GPM6A: variants seen among roughly 807,000 people sequenced by gnomAD.
The protein encoded by GPM6A is glycoprotein M6A, also known as neuronal membrane glycoprotein M6-a.
Under a neutral mutation model 32.1 loss-of-function variants are expected in GPM6A, and 7 were observed. The ratio of observed to expected loss-of-function variants is 0.22; its 90% CI spans 0.12 to 0.41. The LOEUF (loss-of-function observed/expected upper bound fraction) is 0.41. GPM6A is among the 10% of genes least tolerant of loss of function. GPM6A has a pLI of 1.00. For missense variants in GPM6A, 235 were observed against 347.2 expected, an observed-to-expected ratio of 0.68 and a Z score of 2.57; for synonymous variants, 130 against 123.4, an observed-to-expected ratio of 1.05 and a Z score of -0.35.
At chr4:175,864,961 C>A (rs1395912634) in intron 1 of GPM6A, among the ~76,000 whole-genome samples, 1 of 151,884 alleles carries the variant, frequency 6.6e-6, no homozygotes, top group Non-Finnish European at 1.5e-5. Context: ...ACAGGCACAC[C>A]ACTACCACCG....
At chr4:175,648,234 T>C (rs1399367718) in intron 4 of GPM6A, among the ~76,000 whole-genome samples, 1 of 152,120 alleles carries the variant, frequency 6.6e-6, no homozygotes, top group African/African-American at 2.4e-5. Flanking sequence ...GTTGAATGTA[T>C]TTCACACAAA....
intron 1 of GPM6A, among the ~76,000 whole-genome samples, chr4:175,924,012 C>T (rs1738753595): frequency 6.6e-6 from 1 of 152,094 alleles, no homozygotes; most frequent in African/African-American, 2.4e-5. Context: ...AGTATTTGTC[C>T]TAGGTATTTC....
chr4:175,977,513 G>A (rs1740696587), intron 1 of GPM6A, among the ~76,000 whole-genome samples: 1 of 152,054 alleles, frequency 6.6e-6, no homozygotes, highest in African/African-American at 2.4e-5. Flanking sequence ...CCTAGTGAAT[G>A]GAAACATACT....
At chr4:175,775,562 C>CA (rs1168598752) in intron 1 of GPM6A, among the ~76,000 whole-genome samples, 1 of 151,830 alleles carries the variant, frequency 6.6e-6, no homozygotes, top group Non-Finnish European at 1.5e-5. Flanking sequence ...TTTTGCATTT[C>CA]AAAATCAAGT....
rs538058229 is a variant in GPM6A, at chr4:175,900,299, G to T, written c.-22-88050C>A. Among the ~76,000 whole-genome samples, 274 of 77,442 alleles carry T rather than the reference G, an allele frequency of 3.5e-3. 1 individual carries two copies. The highest frequency in any genetic ancestry group is 5.6e-3 in the Non-Finnish European group (208 of 37,348). 50.8% of individuals were successfully genotyped at this position (77,442 alleles called of 152,430 possible). On this transcript the variant is annotated intron_variant, in intron 1 of 7. Coordinates refer to the GPM6A transcript ENST00000280187. ...AAAAAAAAAAAAAGAGAGAAGAAAAGAAAAGAAGGAAAGGAAAGGAAAGGA... is the reference window on the plus strand; with the variant it reads ...AAAAAAAAAAAAAGAGAGAAGAAAATAAAAGAAGGAAAGGAAAGGAAAGGA...
chr4:175,682,521 C>A (rs191657099), intron 2 of GPM6A, among the ~76,000 whole-genome samples: 2 of 152,266 alleles, frequency 1.3e-5, no homozygotes, highest in South Asian at 2.1e-4. Flanking sequence ...GCCTTGAAGG[C>A]CTTTCAGAGA....
Position 175,633,181 on chromosome 4 carries a change from C to T in GPM6A, c.*1724G>A, listed in dbSNP as rs1038032852. 7 of 152,394 alleles carry T rather than the reference C, an allele frequency of 4.6e-5. No homozygotes were observed. The highest frequency in any genetic ancestry group is 1.7e-4 in the African/African-American group (7 of 41,408). The allele number at this position is 152,394 out of a possible 1,614,324, so 9.4% of individuals were successfully genotyped here. A position where few individuals can be genotyped will look rare whatever the true frequency, so the allele number is the denominator to read the frequency against. On this transcript the variant is annotated 3_prime_UTR_variant, in exon 7 of 7. Coordinates refer to ENST00000393658, the MANE Select transcript of GPM6A (RefSeq NM_201591.3). ...TAGAAATTATCACAAACTGTTAAGACACGGAACTGAAATACTATAATATAG... is the reference window on the plus strand; with the variant it reads ...TAGAAATTATCACAAACTGTTAAGATACGGAACTGAAATACTATAATATAG...
chr4:175,785,166 G>A (rs890172304), intron 1 of GPM6A, among the ~76,000 whole-genome samples: 1 of 152,150 alleles, frequency 6.6e-6, no homozygotes, highest in African/African-American at 2.4e-5. Flanking sequence ...TTGCTCTGGG[G>A]ATGTCCCCTG....
intron 1 of GPM6A, among the ~76,000 whole-genome samples, chr4:175,844,109 T>C (rs1579561156): frequency 6.6e-6 from 1 of 152,196 alleles, no homozygotes; most frequent in Non-Finnish European, 1.5e-5. Flanking sequence ...CCAAGTTCTC[T>C]TTGTTGTATC....
chr4:175,722,512 C>T (rs1029439381), intron 1 of GPM6A, among the ~76,000 whole-genome samples: 1 of 152,098 alleles, frequency 6.6e-6, no homozygotes, highest in Admixed American at 6.6e-5. Context: ...CCACGGATCG[C>T]GGCTGCACCC....
rs141509564 is a variant in GPM6A, at chr4:175,863,256, C to T, written c.-22-51007G>A. ...CCATAGTTTCCTCCATATCATACCC[C>T]GGCAGCACGAGATCTCTTCTTTGAC... On this transcript the variant is annotated intron_variant, in intron 1 of 7. Coordinates refer to the GPM6A transcript ENST00000280187. Among the ~76,000 whole-genome samples the T allele has an allele frequency of 1.5e-4, 23 of 152,104 alleles. No homozygotes were observed. The East Asian group carries it at 3.3e-3, about 22-fold the overall frequency.
intron 2 of GPM6A, among the ~76,000 whole-genome samples, chr4:175,700,458 C>A (rs571936969): frequency 2.6e-5 from 4 of 152,120 alleles, no homozygotes; most frequent in Admixed American, 6.6e-5. Context: ...TAAAATTATA[C>A]CAGTTCAACA....
At chr4:175,818,412 AAGTCTGCAATATACATATAGATAT>A (rs1735174774) in intron 1 of GPM6A, among the ~76,000 whole-genome samples, 1 of 152,224 alleles carries the variant, frequency 6.6e-6, no homozygotes. Flanking sequence ...CTATTCCTCA[AAGTCTGCAATATACATATAGATAT>A]AGTCTGCAAT....
chr4:175,903,221 T>C (rs1400222796), intron 1 of GPM6A, among the ~76,000 whole-genome samples: 1 of 152,036 alleles, frequency 6.6e-6, no homozygotes, highest in Admixed American at 6.6e-5. Flanking sequence ...CAGGAGGCTC[T>C]CATTGGCCAA....
chr4:175,950,687 G>A (rs1253839879), intron 1 of GPM6A, among the ~76,000 whole-genome samples: 5 of 152,148 alleles, frequency 3.3e-5, no homozygotes, highest in Non-Finnish European at 5.9e-5. Flanking sequence ...GCTGGCAGGG[G>A]AAATGAGGGG....
intron 1 of GPM6A, among the ~76,000 whole-genome samples, chr4:175,793,578 G>A (rs1472552598): frequency 1.3e-5 from 2 of 152,066 alleles, no homozygotes; most frequent in East Asian, 3.9e-4. Context: ...GTTTCGCTAT[G>A]TTGGCCAGGC....
intron 1 of GPM6A, among the ~76,000 whole-genome samples, chr4:175,916,911 C>T (rs1235758241): frequency 6.6e-6 from 1 of 152,160 alleles, no homozygotes; most frequent in Non-Finnish European, 1.5e-5. Context: ...TTATTATTCA[C>T]ATAAAAGAGA....
chr4:175,971,270 G>GAAACAAA (rs1740493632), intron 1 of GPM6A, among the ~76,000 whole-genome samples: 1 of 132,016 alleles, frequency 7.6e-6, no homozygotes, highest in Non-Finnish European at 1.6e-5. Flanking sequence ...TATCTTCCGT[G>GAAACAAA]AAAAAAAAAA....
At chr4:175,726,946 A>C (rs1160013160) in intron 1 of GPM6A, among the ~76,000 whole-genome samples, 2 of 152,182 alleles carry the variant, frequency 1.3e-5, no homozygotes, top group Non-Finnish European at 2.9e-5. Flanking sequence ...CGGTAAGCCA[A>C]GATCATGCCA....
Sources: allele counts gnomAD v4.1 joint callset (sites outside exome capture counted in the v4.1 genomes callset), GRCh38; gene constraint gnomAD v4.1.1; transcripts MANE v1.5; gene names NCBI Gene and HGNC (gene_info 2026-07-23, HGNC 2026-07-21).